PLEKHG6: variants seen among roughly 807,000 people sequenced by gnomAD.
The protein encoded by PLEKHG6 is pleckstrin homology and RhoGEF domain containing G6.
A neutral mutation model predicts 97.5 loss-of-function variants in PLEKHG6; 91 were observed. The ratio of observed to expected loss-of-function variants is 0.93; its 90% CI spans 0.79 to 1.11. The LOEUF is 1.11. Ranked by LOEUF, PLEKHG6 falls within the 50% of genes most tolerant of loss-of-function variation. The pLI is 0.00. For synonymous variants in PLEKHG6, 466 were observed against 425.5 expected (o/e 1.10, Z -1.17); for missense variants, 1,044 against 1,031.0 (o/e 1.01, Z -0.17).
chr12:6,318,976 T>G lies in PLEKHG6; in HGVS notation c.1409-17T>G. 1 of 1,612,444 alleles carries G rather than the reference T, an allele frequency of 6.2e-7. No individual in the cohort carries two copies. The highest frequency in any genetic ancestry group is 1.7e-5 in the Admixed American group (1 of 60,000). Reference sequence around the variant, plus strand: ...CAAATAAAGGCTGGCCTCTTGAAGGTTGTCTCCTCCATCCAGACAGCTTCC... The same window carrying G: ...CAAATAAAGGCTGGCCTCTTGAAGGGTGTCTCCTCCATCCAGACAGCTTCC... On this transcript the variant is annotated splice_polypyrimidine_tract_variant and intron_variant, in intron 12 of 15. Coordinates refer to ENST00000684764, the MANE Select transcript of PLEKHG6 (RefSeq NM_001384598.1).
In PLEKHG6 at chr12:6,327,451, C is replaced by T. The variant is rs1216937591; in HGVS notation, c.1868C>T (p.Thr623Ile). ...CGGGACCCTCGCCTCACCTTCTCCA[C>T]CCTGGAACTCCGGGACATCCCTCTG... Reference protein sequence around the residue: ...LRRDPRLTFSTLELRDIPLRP... With the variant: ...LRRDPRLTFSILELRDIPLRP... The change falls in exon 15 of 16, where the codon ACC becomes ATC. Residue 623 changes from threonine (T) to isoleucine (I), a missense_variant. By Grantham distance (89) the Thr-to-Ile change is moderately conservative (BLOSUM62 -1). Transcript: ENST00000684764. The T allele has an allele frequency of 1.2e-6, 2 of 1,613,222 alleles. No homozygotes were observed. Among genetic ancestry groups the T allele is most frequent in the South Asian group, 1.1e-5 (1 of 91,052 alleles).
At position 6,326,502 on chromosome 12, in the gene PLEKHG6, G is replaced by A. The variant is rs1334435474; in HGVS notation, c.1599G>A (p.Gln533=). ...KRELLTLYRD[Q]DRESPSTRPS... ...AGCTCCTGACCCTCTATCGGGACCA[G>A]GACAGGGAGTCCCCCAGCACCAGGC... Residue 533 remains glutamine (Q), a synonymous_variant, in exon 14 of 16, where the codon CAG becomes CAA. Transcript: ENST00000684764. The A allele has an allele frequency of 6.2e-7, 1 of 1,604,158 alleles. No individual in the cohort carries two copies. Among genetic ancestry groups the A allele is most frequent in the South Asian group, 1.1e-5 (1 of 89,746 alleles).
rs892398626 is a variant in PLEKHG6, at chr12:6,313,173, A to T, written c.139-456A>T. 3.9e-6 allele frequency: 6 copies of T among 1,549,978 alleles called. No homozygotes were observed. In the African/African-American group the frequency reaches 6.8e-5, roughly 18 times the overall value. On this transcript the variant is annotated intron_variant, in intron 2 of 15. Coordinates refer to ENST00000684764, the MANE Select transcript of PLEKHG6 (RefSeq NM_001384598.1). ...GGATGCAGGCTGCACGCCCCTGGGG[A>T]GAAGGCTGCACATGTGAGTGCCCTC...
rs1457928082 is a variant in PLEKHG6 at position 6,315,192 on chromosome 12, G to A, written c.459+23G>A. The A allele has an allele frequency of 1.6e-5, 25 of 1,602,038 alleles. No individual in the cohort carries two copies. The highest frequency in any genetic ancestry group is 2.0e-5 in the Non-Finnish European group (24 of 1,174,568). On this transcript the variant is annotated intron_variant, in intron 4 of 15. Transcript: ENST00000684764. This position sits in a 1 kb window ranked among gnomAD's most constrained non-coding sequence, Gnocchi z 4.5. ...AAGGTGAGCCTGAAACTCACAAGGT[G>A]AGTCTGTCCCCACGGCGTGAATGCA...
chr12:6,311,603 T>C (rs1947270527), intron 1 of PLEKHG6, among the ~76,000 whole-genome samples: 4 of 152,202 alleles, frequency 2.6e-5, no homozygotes, highest in Admixed American at 2.6e-4. Flanking sequence ...TAATATTTAC[T>C]TGTCCCAAAA....
intron 13 of PLEKHG6, among the ~76,000 whole-genome samples, chr12:6,321,575 A>C (rs1406622654): frequency 2.0e-5 from 3 of 151,838 alleles, no homozygotes; most frequent in Non-Finnish European, 4.4e-5. Context: ...GCGGTGGCTC[A>C]CGCCTGTAAT....
chr12:6,325,394 C>A (rs1409535801), intron 13 of PLEKHG6, among the ~76,000 whole-genome samples: 1 of 152,194 alleles, frequency 6.6e-6, no homozygotes, highest in African/African-American at 2.4e-5. Context: ...GTTCTCCACA[C>A]CACAGGGCAA....
At chr12:6,314,942 CG>C (rs1218125011) in intron 3 of PLEKHG6, 62 bp from the exon 4 acceptor site, 2 of 1,520,672 alleles carry the variant, frequency 1.3e-6, no homozygotes, top group East Asian at 2.3e-5. Flanking sequence ...ACAGCCCTCC[CG>C]GGGCCCTGTG....
Position 6,321,693 on chromosome 12 carries a change from G to A in PLEKHG6, c.1524+2585G>A, listed in dbSNP as rs796492987. Among the ~76,000 whole-genome samples, 116 of 152,080 alleles carry A rather than the reference G, an allele frequency of 7.6e-4. 1 individual carries two copies. Among genetic ancestry groups the A allele is most frequent in the African/African-American group, 2.6e-3 (106 of 41,502 alleles). ...AGACAAAAAATTAGCCGGGCGCGGT[G>A]GCGGGCACCTGTAGTCCCAGCTACT... On this transcript the variant is annotated intron_variant, in intron 13 of 15. Transcript: ENST00000684764.
At position 6,315,182 on chromosome 12, in the gene PLEKHG6, C is replaced by T; in HGVS notation, c.459+13C>T. On this transcript the variant is annotated intron_variant, in intron 4 of 15. Coordinates refer to ENST00000684764, the MANE Select transcript of PLEKHG6 (RefSeq NM_001384598.1). This position sits in a 1 kb window ranked among gnomAD's most constrained non-coding sequence, Gnocchi z 4.5. The stretch of plus-strand genomic sequence containing the variant: ...GCCTGGGCACAAGGTGAGCCTGAAA[C>T]TCACAAGGTGAGTCTGTCCCCACGG... The T allele has an allele frequency of 6.2e-7, 1 of 1,607,478 alleles. No individual in the cohort carries two copies. The highest frequency in any genetic ancestry group is 8.5e-7 in the Non-Finnish European group (1 of 1,177,738).
At chr12:6,325,754 G>C (rs1003381368) in intron 13 of PLEKHG6, among the ~76,000 whole-genome samples, 1 of 152,150 alleles carries the variant, frequency 6.6e-6, no homozygotes, top group African/African-American at 2.4e-5. Flanking sequence ...CCTGAAGGAG[G>C]GGGAAGACCT....
chr12:6,318,617 C>A, intron 11 of PLEKHG6, 128 bp from the exon 12 acceptor site: 1 of 1,205,728 alleles, frequency 8.3e-7, no homozygotes, highest in Non-Finnish European at 1.2e-6. Flanking sequence ...ACGCCCCTGG[C>A]CACTCCCGCA....
chr12:6,315,524 C>G lies in PLEKHG6; in HGVS notation c.460-30C>G. ...TACTTGCCATTCTAATTATCATTCC[C>G]CAACTGAACCAGCATTCTCCCCACC... On this transcript the variant is annotated intron_variant, in intron 4 of 15. Coordinates refer to ENST00000684764, the MANE Select transcript of PLEKHG6 (RefSeq NM_001384598.1). The surrounding 1 kb of genome is among the most constrained non-coding windows in gnomAD (Gnocchi z 4.5). 1 of 1,372,586 alleles carries G rather than the reference C, an allele frequency of 7.3e-7. No individual in the cohort carries two copies. Among genetic ancestry groups the G allele is most frequent in the South Asian group, 1.3e-5 (1 of 74,162 alleles). The allele number at this position is 1,372,586 out of a possible 1,614,324, so 85.0% of individuals were successfully genotyped here.
At chr12:6,326,841 C>T (rs904441763) in intron 14 of PLEKHG6, among the ~76,000 whole-genome samples, 5 of 152,046 alleles carry the variant, frequency 3.3e-5, no homozygotes, top group African/African-American at 9.7e-5. Context: ...GGAGCAAGCT[C>T]GAGAGTGAAG....
At chr12:6,326,319 A>G in intron 13 of PLEKHG6, 109 bp from the exon 14 acceptor site, 1 of 628,686 alleles carries the variant, frequency 1.6e-6, no homozygotes, top group Non-Finnish European at 2.6e-6. Context: ...AATAATAATA[A>G]TAATAAAATA....
At chr12:6,317,254 T>C (rs1313908193) in intron 7 of PLEKHG6, 49 bp from the exon 8 acceptor site, 1 of 1,216,254 alleles carries the variant, frequency 8.2e-7, no homozygotes, top group Non-Finnish European at 1.2e-6. Context: ...CCTGTATTCA[T>C]GGCCTTCTCC....
In PLEKHG6 at chr12:6,315,820, C is replaced by G; in HGVS notation, c.556-49C>G. The stretch of plus-strand genomic sequence containing the variant: ...GTTGGTGGGGGGTGGGAGGTGACGA[C>G]ACTGAAGGGCTGCGCTGGGTCCTGA... On this transcript the variant is annotated intron_variant, in intron 5 of 15. Coordinates refer to ENST00000684764, the MANE Select transcript of PLEKHG6 (RefSeq NM_001384598.1). The surrounding 1 kb of genome is among the most constrained non-coding windows in gnomAD (Gnocchi z 4.5). 6.6e-7 allele frequency: 1 copy of G among 1,505,116 alleles called. No homozygotes were observed. The highest frequency in any genetic ancestry group is 9.0e-7 in the Non-Finnish European group (1 of 1,110,080). The allele number at this position is 1,505,116 out of a possible 1,614,324, so 93.2% of individuals were successfully genotyped here. A position where few individuals can be genotyped will look rare whatever the true frequency, so the allele number is the denominator to read the frequency against.
chr12:6,318,745 C>A lies in PLEKHG6; in HGVS notation c.1276C>A (p.Leu426Met). ...VRVKEGREGK[L>M]DVYLFLFSDV... ...CTTTCCCCTACGCCCCCACCCCCAG[C>A]TGGACGTGTACCTGTTCCTCTTCTC... The change falls in exon 12 of 16, where the codon CTG becomes ATG. Residue 426 changes from leucine (L) to methionine (M), a missense_variant and splice_region_variant. Coordinates refer to ENST00000684764, the MANE Select transcript of PLEKHG6 (RefSeq NM_001384598.1). The A allele has an allele frequency of 6.2e-7, 1 of 1,613,752 alleles. No homozygotes were observed.
rs1188739661 is a variant in PLEKHG6 at position 6,327,368 on chromosome 12, A to T, written c.1785A>T (p.Pro595=). The change falls in exon 15 of 16, where the codon CCA becomes CCT. Residue 595 remains proline (P), a synonymous_variant. Coordinates refer to ENST00000684764, the MANE Select transcript of PLEKHG6 (RefSeq NM_001384598.1). ...ACTCTGGCTACGGCACTTTGATCCCAGGCACCCCCACGGGGTCCCGCTCCC... is the reference window on the plus strand; with the variant it reads ...ACTCTGGCTACGGCACTTTGATCCCTGGCACCCCCACGGGGTCCCGCTCCC... The part of the protein sequence containing the change: ...TSDSGYGTLI[P]GTPTGSRSPL... 6.2e-7 allele frequency: 1 copy of T among 1,614,140 alleles called. No individual in the cohort carries two copies. Among genetic ancestry groups the T allele is most frequent in the Non-Finnish European group, 8.5e-7 (1 of 1,180,002 alleles).
Sources: allele counts gnomAD v4.1 joint callset (sites outside exome capture counted in the v4.1 genomes callset), GRCh38; gene constraint gnomAD v4.1.1; non-coding constraint Gnocchi (gnomAD v3.1); transcripts MANE v1.5; gene names NCBI Gene and HGNC (gene_info 2026-07-23, HGNC 2026-07-21).